SMIM13: variants seen among roughly 807,000 people sequenced by gnomAD.
The protein encoded by SMIM13 is small integral membrane protein 13, also known as UPF0766 protein C6orf228.
A neutral mutation model predicts 5.9 loss-of-function variants in SMIM13; 3 were observed. The ratio of observed to expected loss-of-function variants is 0.51; its 90% CI spans 0.23 to 1.31. The LOEUF (loss-of-function observed/expected upper bound fraction) is 1.31, where lower values mean the gene tolerates loss of function less well. SMIM13 is among the 40% of genes most tolerant of loss of function. The pLI, the probability that SMIM13 is intolerant of heterozygous loss-of-function variation, is 0.18. For synonymous variants in SMIM13, 55 were observed against 46.0 expected (o/e 1.19, Z -0.79); for missense variants, 85 against 109.9 (o/e 0.77, Z 1.01).
intron 1 of SMIM13, among the ~76,000 whole-genome samples, chr6:11,114,060 A>G (rs1758205055): frequency 3.3e-5 from 5 of 151,488 alleles, no homozygotes; most frequent in Admixed American, 2.6e-4. Flanking sequence ...GCTCACTGCA[A>G]CATCTGCCCC....
Position 11,135,356 on chromosome 6 carries a change from G to C in SMIM13, c.*754G>C, listed in dbSNP as rs970176287. The stretch of plus-strand genomic sequence containing the variant: ...GTACTACGTTTCGTCAGTGAGACAC[G>C]TGCAAAAGGATTGCCTATCACACGC... On this transcript the variant is annotated 3_prime_UTR_variant, in exon 2 of 2. Transcript: ENST00000416247. 6 of 152,596 alleles carry C rather than the reference G, an allele frequency of 3.9e-5. No individual in the cohort carries two copies. Among genetic ancestry groups the C allele is most frequent in the Admixed American group, 3.9e-4 (6 of 15,270 alleles). The allele number at this position is 152,596 out of a possible 1,614,324, so 9.5% of individuals were successfully genotyped here.
At position 11,137,854 on chromosome 6, in the gene SMIM13, A is replaced by G. The variant is rs1486986705; in HGVS notation, c.*3252A>G. 6.6e-6 allele frequency: 1 copy of G among 152,170 alleles called. No individual in the cohort carries two copies. Among genetic ancestry groups the G allele is most frequent in the Non-Finnish European group, 1.5e-5 (1 of 68,022 alleles). The allele number at this position is 152,170 out of a possible 1,614,324, so 9.4% of individuals were successfully genotyped here. The stretch of plus-strand genomic sequence containing the variant: ...TAGTGATGTTTTCACAGTTGAAACA[A>G]ACATATTGCTGTGCGGTGGACAGCC... On this transcript the variant is annotated 3_prime_UTR_variant, in exon 2 of 2. Transcript: ENST00000416247.
At chr6:11,105,147 C>T in intron 1 of SMIM13, 1 of 1,614,146 alleles carries the variant, frequency 6.2e-7, no homozygotes, top group Non-Finnish European at 8.5e-7. Flanking sequence ...ATAAGCTGTC[C>T]CTGGTGTTTC....
intron 1 of SMIM13, among the ~76,000 whole-genome samples, chr6:11,107,032 CT>C (rs1298905071): frequency 1.3e-5 from 2 of 152,186 alleles, no homozygotes; most frequent in Non-Finnish European, 2.9e-5. Flanking sequence ...GGGGACAGAG[CT>C]TTAACCTCTG....
intron 1 of SMIM13, among the ~76,000 whole-genome samples, chr6:11,100,069 TG>T (rs1474812046): frequency 6.6e-6 from 1 of 152,110 alleles, no homozygotes; most frequent in East Asian, 1.9e-4. Context: ...TTTTTGTTTT[TG>T]TTTTTTTTGA....
rs1298796049 is a variant in SMIM13, at chr6:11,094,524, C to G, written c.76+135C>G. The G allele has an allele frequency of 9.9e-6, 7 of 704,946 alleles. No individual in the cohort carries two copies. The East Asian group carries it at 2.2e-4, about 22-fold the overall frequency. The allele number at this position is 704,946 out of a possible 1,614,324, so 43.7% of individuals were successfully genotyped here. On this transcript the variant is annotated intron_variant, in intron 1 of 1. Coordinates refer to ENST00000416247, the MANE Select transcript of SMIM13 (RefSeq NM_001135575.2). ...AATTGTCTTAAAATCAACTGTTGTC[C>G]CTTAGCCTCTAGGGCTGAGCGCAGA...
intron 1 of SMIM13, among the ~76,000 whole-genome samples, chr6:11,107,109 C>A (rs777207905): frequency 1.3e-5 from 2 of 152,134 alleles, no homozygotes; most frequent in Non-Finnish European, 2.9e-5. Flanking sequence ...AAAGCTATTC[C>A]CACCTGAAAA....
chr6:11,093,968 G>A lies in SMIM13; in HGVS notation c.-346G>A, dbSNP rs1757886236. 6.6e-6 allele frequency: 1 copy of A among 152,426 alleles called. No individual in the cohort carries two copies. The highest frequency in any genetic ancestry group is 1.5e-5 in the Non-Finnish European group (1 of 68,210). 9.4% of individuals were successfully genotyped at this position (152,426 alleles called of 1,614,324 possible). A position where few individuals can be genotyped will look rare whatever the true frequency, so the allele number is the denominator to read the frequency against. On this transcript the variant is annotated 5_prime_UTR_variant, in exon 1 of 2. Transcript: ENST00000416247. ...TGCTTACCCTCTGTCCTCCCTACAG[G>A]CGCGCGGCGTCCGCCATGGAAGCGC...
chr6:11,133,065 C>T (rs1056967674), intron 1 of SMIM13, among the ~76,000 whole-genome samples: 1 of 152,184 alleles, frequency 6.6e-6, no homozygotes, highest in African/African-American at 2.4e-5. Context: ...CCTTCTCATT[C>T]ATTCCTCACT....
intron 1 of SMIM13, among the ~76,000 whole-genome samples, chr6:11,122,427 G>A (rs932054895): frequency 4.6e-5 from 7 of 152,168 alleles, no homozygotes; most frequent in African/African-American, 9.7e-5. Context: ...ACCTTGCTCC[G>A]ACTTTGAGTG....
intron 1 of SMIM13, among the ~76,000 whole-genome samples, chr6:11,099,450 G>A (rs191495656): frequency 1.7e-3 from 260 of 152,260 alleles, no homozygotes; most frequent in Admixed American, 2.7e-3. Flanking sequence ...TGGGATTACA[G>A]GTGTGACCCA....
At position 11,101,174 on chromosome 6, in the gene SMIM13, C is replaced by T. The variant is rs1035235182; in HGVS notation, c.76+6785C>T. ...TGGAGGATGTTTGGGGCTTTATCTT[C>T]TGTCTCTTAAATTGAGTTTTTAATT... On this transcript the variant is annotated intron_variant, in intron 1 of 1. Transcript: ENST00000416247. Among the ~76,000 whole-genome samples the T allele has an allele frequency of 6.6e-5, 10 of 151,832 alleles. No individual in the cohort carries two copies. The East Asian group carries it at 1.4e-3, about 21-fold the overall frequency.
At chr6:11,117,576 GATT>G (rs1271175706) in intron 1 of SMIM13, among the ~76,000 whole-genome samples, 1 of 151,904 alleles carries the variant, frequency 6.6e-6, no homozygotes, top group Non-Finnish European at 1.5e-5. Context: ...TTGAACCATG[GATT>G]ATTTAGAAGT....
intron 1 of SMIM13, among the ~76,000 whole-genome samples, chr6:11,116,008 C>CTTTTTTT (rs35527082): frequency 1.3e-5 from 1 of 78,490 alleles, no homozygotes; most frequent in African/African-American, 5.2e-5. Flanking sequence ...CTTCCTTCCT[C>CTTTTTTT]TTTTTTTTTT....
At chr6:11,101,407 GCTTATTTAT>G in intron 1 of SMIM13, among the ~76,000 whole-genome samples, 1 of 152,262 alleles carries the variant, frequency 6.6e-6, no homozygotes, top group Non-Finnish European at 1.5e-5. Context: ...CTTTGTTTCT[GCTTATTTAT>G]CTTACATTGA....
intron 1 of SMIM13, among the ~76,000 whole-genome samples, 160 bp downstream of exon 1, chr6:11,094,549 AG>A (rs1757898673): frequency 6.6e-6 from 1 of 152,096 alleles, no homozygotes; most frequent in Non-Finnish European, 1.5e-5. Flanking sequence ...CTGAGCGCAG[AG>A]GTGGGCCCTT....
chr6:11,104,725 G>A (rs765524999), intron 1 of SMIM13: 3 of 1,614,224 alleles, frequency 1.9e-6, no homozygotes, highest in Non-Finnish European at 8.5e-7. Context: ...GAGCTTGGGC[G>A]TCCCTGGCAA....
At chr6:11,120,823 G>T (rs1186820378) in intron 1 of SMIM13, among the ~76,000 whole-genome samples, 3 of 152,078 alleles carry the variant, frequency 2.0e-5, no homozygotes, top group Non-Finnish European at 4.4e-5. Flanking sequence ...CATTCAGATG[G>T]GTCGTGTAAA....
intron 1 of SMIM13, among the ~76,000 whole-genome samples, chr6:11,101,233 T>G (rs1453609857): frequency 6.6e-6 from 1 of 152,156 alleles, no homozygotes. Flanking sequence ...AGAACTTGGT[T>G]GTTCTATGTT....
Sources: gnomAD v4.1 joint callset for allele counts (sites outside exome capture counted in the v4.1 genomes callset) on GRCh38, gnomAD v4.1.1 for gene constraint, MANE v1.5 for transcripts, NCBI Gene and HGNC (gene_info 2026-07-23, HGNC 2026-07-21) for gene names.